The following DGKH variants were observed in gnomAD, a reference collection of about 807,000 sequenced individuals.
DGKH encodes DAG kinase eta.
In DGKH, 90 loss-of-function variants were observed where a neutral mutation model predicts 159.3. The ratio of observed to expected loss-of-function variants is 0.57; its 90% confidence interval spans 0.48 to 0.67. The LOEUF (loss-of-function observed/expected upper bound fraction) is 0.67, where lower values mean the gene tolerates loss of function less well. Ranked by LOEUF, DGKH falls within the 30% of genes least tolerant of loss-of-function variation. The pLI, the probability that DGKH is intolerant of heterozygous loss-of-function variation, is 0.00. For missense variants in DGKH, 1,181 were observed against 1,506.1 expected (o/e 0.78, Z 3.57); for synonymous variants, 536 against 553.8 (o/e 0.97, Z 0.45).
At chr13:42,193,454 T>C (rs894013312) in intron 16 of DGKH, among the ~76,000 whole-genome samples, 1 of 152,224 alleles carries the variant, frequency 6.6e-6, no homozygotes, top group African/African-American at 2.4e-5. Flanking sequence ...ATAGCAATAG[T>C]GGAAGTAGAA....
intron 7 of DGKH, among the ~76,000 whole-genome samples, chr13:42,163,389 G>A (rs1286484511): frequency 1.3e-5 from 2 of 152,140 alleles, no homozygotes; most frequent in African/African-American, 4.8e-5. Flanking sequence ...TAATGGGATG[G>A]CTGGGTCAAA....
intron 1 of DGKH, among the ~76,000 whole-genome samples, chr13:42,072,531 T>A (rs1208803963): frequency 1.3e-5 from 2 of 152,114 alleles, no homozygotes; most frequent in Non-Finnish European, 2.9e-5. Context: ...AAACTTGAAT[T>A]GTGATGATCA....
intron 30 of DGKH, chr13:42,255,976 T>C: frequency 6.2e-7 from 1 of 1,610,738 alleles, no homozygotes; most frequent in Non-Finnish European, 8.5e-7. Flanking sequence ...TTGAGCTCAG[T>C]GGAGCCATGA....
At chr13:42,125,897 G>T (rs1346842652) in intron 1 of DGKH, among the ~76,000 whole-genome samples, 1 of 151,944 alleles carries the variant, frequency 6.6e-6, no homozygotes, top group African/African-American at 2.4e-5. Flanking sequence ...TGGAGATATT[G>T]TCAGTGTGCA....
chr13:42,170,597 GA>G (rs1204736467), intron 11 of DGKH, among the ~76,000 whole-genome samples: 1 of 152,016 alleles, frequency 6.6e-6, no homozygotes, highest in African/African-American at 2.4e-5. Context: ...ATCTTTGTTA[GA>G]AACATAGGAA....
chr13:42,251,861 A>G (rs1958622622), intron 29 of DGKH, among the ~76,000 whole-genome samples: 1 of 152,224 alleles, frequency 6.6e-6, no homozygotes, highest in Non-Finnish European at 1.5e-5. Context: ...ATATTGCATC[A>G]TAATTATTAA....
intron 24 of DGKH, among the ~76,000 whole-genome samples, chr13:42,213,825 C>T (rs1255287303): frequency 6.6e-6 from 1 of 152,106 alleles, no homozygotes; most frequent in Non-Finnish European, 1.5e-5. Context: ...GACTTTTTCT[C>T]CTTTCTTGTC....
intron 28 of DGKH, among the ~76,000 whole-genome samples, chr13:42,220,300 CT>C (rs1957931961): frequency 6.6e-6 from 1 of 152,208 alleles, no homozygotes; most frequent in African/African-American, 2.4e-5. Context: ...TTTGAGGACA[CT>C]GTTTCAACCC....
intron 11 of DGKH, 140 bp downstream of exon 11, chr13:42,168,958 A>G (rs1956375605): frequency 7.6e-6 from 7 of 925,112 alleles, no homozygotes; most frequent in African/African-American, 1.7e-5. Flanking sequence ...GATCTTGTCC[A>G]CTGGTTAATC....
intron 16 of DGKH, among the ~76,000 whole-genome samples, chr13:42,191,292 A>G (rs1472426143): frequency 1.3e-5 from 2 of 152,212 alleles, no homozygotes; most frequent in Non-Finnish European, 2.9e-5. Flanking sequence ...CAGCACAATT[A>G]TATCAGAATT....
At chr13:42,174,192 TG>T in intron 12 of DGKH, 48 bp downstream of exon 12, 1 of 1,400,744 alleles carries the variant, frequency 7.1e-7, no homozygotes, top group Non-Finnish European at 9.9e-7. Context: ...GTGGATATCT[TG>T]AGAAAAAAAA....
At chr13:42,251,211 C>A (rs1208091032) in intron 29 of DGKH, among the ~76,000 whole-genome samples, 1 of 152,114 alleles carries the variant, frequency 6.6e-6, no homozygotes, top group Admixed American at 6.5e-5. Flanking sequence ...CACAGTGGCT[C>A]ACACCTGTAA....
chr13:42,083,049 A>G (rs770864143), intron 1 of DGKH, among the ~76,000 whole-genome samples: 1 of 152,192 alleles, frequency 6.6e-6, no homozygotes, highest in Non-Finnish European at 1.5e-5. Context: ...AGAAAATCCA[A>G]CTTCAGCTAG....
At chr13:42,096,055 A>C (rs776537009) in intron 1 of DGKH, among the ~76,000 whole-genome samples, 2 of 152,172 alleles carry the variant, frequency 1.3e-5, no homozygotes, top group Non-Finnish European at 2.9e-5. Flanking sequence ...TTAGGTCACA[A>C]CAAGTAATGT....
At chr13:42,250,327 T>C (rs1333119436) in intron 29 of DGKH, among the ~76,000 whole-genome samples, 2 of 152,120 alleles carry the variant, frequency 1.3e-5, no homozygotes, top group Non-Finnish European at 2.9e-5. Flanking sequence ...TGTACATTTA[T>C]AGGGTACAAT....
intron 1 of DGKH, among the ~76,000 whole-genome samples, chr13:42,075,118 A>T (rs1022293678): frequency 1.3e-5 from 2 of 152,240 alleles, no homozygotes; most frequent in Admixed American, 1.3e-4. Flanking sequence ...TGTTATACAG[A>T]TTAAACGAGA....
chr13:42,225,213 A>G (rs1958092188), intron 29 of DGKH: 4 of 1,468,926 alleles, frequency 2.7e-6, no homozygotes, highest in Non-Finnish European at 2.8e-6. Flanking sequence ...GTGAGCCACC[A>G]TGCCCAGCCA....
intron 29 of DGKH, among the ~76,000 whole-genome samples, chr13:42,225,018 C>A (rs1433448355): frequency 3.9e-5 from 6 of 152,114 alleles, no homozygotes; most frequent in African/African-American, 1.4e-4. Context: ...ACCTCCTGAG[C>A]TCAGGTGACC....
At chr13:42,087,659 A>G (rs546480668) in intron 1 of DGKH, among the ~76,000 whole-genome samples, 1 of 152,328 alleles carries the variant, frequency 6.6e-6, no homozygotes, top group African/African-American at 2.4e-5. Context: ...ATTAACAGAT[A>G]CTACAGAAGT....
Sources: gnomAD v4.1 joint callset for allele counts (sites outside exome capture counted in the v4.1 genomes callset) on GRCh38, gnomAD v4.1.1 for gene constraint, MANE v1.5 for transcripts, NCBI Gene and HGNC (gene_info 2026-07-23, HGNC 2026-07-21) for gene names.